Variants in DIDO1 observed in about 807,000 individuals in gnomAD.
DIDO1 encodes death-inducer obliterator 1.
Under a neutral mutation model 99.4 loss-of-function variants are expected in DIDO1, and 16 were observed. The ratio of observed to expected loss-of-function variants is 0.16; its 90% CI spans 0.11 to 0.24. The LOEUF (loss-of-function observed/expected upper bound fraction) is 0.24. Among genes scored for constraint, DIDO1 ranks in the 10% least tolerant of loss-of-function variants. The pLI, the probability that DIDO1 is intolerant of heterozygous loss-of-function variation, is 1.00. For synonymous variants in DIDO1, 1,366 were observed against 1,239.1 expected, an observed-to-expected ratio of 1.10 and a Z score of -2.15; for missense variants, 2,996 against 3,014.0, an observed-to-expected ratio of 0.99 and a Z score of 0.14.
At chr20:62,885,256 T>C (rs1013255079) in intron 15 of DIDO1, among the ~76,000 whole-genome samples, 2 of 152,084 alleles carry the variant, frequency 1.3e-5, no homozygotes, top group Non-Finnish European at 2.9e-5. Context: ...GGAAGGACCC[T>C]GGGCAGTAGG....
At chr20:62,922,195 T>A (rs2065164134) in intron 1 of DIDO1, among the ~76,000 whole-genome samples, 1 of 89,794 alleles carries the variant, frequency 1.1e-5, no homozygotes, top group South Asian at 3.7e-4. Flanking sequence ...TGTGTGTGTG[T>A]GTATATATAT....
rs1265710450 is a variant in DIDO1, at chr20:62,893,971, A to G, written c.2796T>C (p.Pro932=). 1 of 1,613,118 alleles carries G rather than the reference A, an allele frequency of 6.2e-7. No homozygotes were observed. The highest frequency in any genetic ancestry group is 1.1e-5 in the South Asian group (1 of 91,070). The change falls in exon 12 of 16, where the codon CCT becomes CCC. Residue 932 remains proline (P), a synonymous_variant. Transcript: ENST00000395343. ...PNVDRTYFPG[P]PGDGHPEPSP... Reference sequence around the variant, plus strand: ...AGGGCTCGGGATGGCCATCTCCTGGAGGCCCAGGGAAATACGTTCTGTCCA... The same window carrying G: ...AGGGCTCGGGATGGCCATCTCCTGGGGGCCCAGGGAAATACGTTCTGTCCA...
Position 62,903,172 on chromosome 20 carries a change from A to G in DIDO1, c.1588+2715T>C, listed in dbSNP as rs528171206. On this transcript the variant is annotated intron_variant, in intron 6 of 15. Coordinates refer to ENST00000395343, the MANE Select transcript of DIDO1 (RefSeq NM_001193369.2). ...TGTATATATAAGAAACAATTTTTAA[A>G]AACAAATGGGAGGAACAAGGTGAGG... Among the ~76,000 whole-genome samples the G allele has an allele frequency of 2.9e-4, 44 of 152,372 alleles. No homozygotes were observed. The Middle Eastern group carries it at 0.014, about 47-fold the overall frequency.
chr20:62,880,973 G>C lies in DIDO1; in HGVS notation c.4983C>G (p.Pro1661=). Residue 1661 remains proline, a synonymous_variant, in exon 16 of 16, where the codon CCC becomes CCG. Coordinates refer to ENST00000395343, the MANE Select transcript of DIDO1 (RefSeq NM_001193369.2). ...GCTGCAGGGCGCCGCAAGGCGGTGT[G>C]GGCAGCAGCACCCTCCGGGCAGGCC... ...SARPARRVLL[P]TPPCGALQPG... 6.2e-7 allele frequency: 1 copy of C among 1,606,464 alleles called. No individual in the cohort carries two copies.
rs1600949476 is a variant in DIDO1 at position 62,896,937 on chromosome 20, T to C, written c.1648A>G (p.Thr550Ala). Residue 550 changes from threonine to alanine, a missense_variant, in exon 7 of 16, where the codon ACA (threonine) becomes GCA (alanine). By Grantham distance (58) the Thr-to-Ala change is moderately conservative. This residue lies in a region of DIDO1 where 898 missense variants were observed against 972.7 expected (regional missense o/e 0.92). Coordinates refer to ENST00000395343, the MANE Select transcript of DIDO1 (RefSeq NM_001193369.2). The surrounding 1 kb of genome is among the most constrained non-coding windows in gnomAD (Gnocchi z 4.4). Reference sequence around the variant, plus strand: ...CCCACCGCGGAGCCTGGAGGGGCTGTTTTCTTTGAGGCTGCCATGGCTGCC... The same window carrying C: ...CCCACCGCGGAGCCTGGAGGGGCTGCTTTCTTTGAGGCTGCCATGGCTGCC... ...KAAAMAASKK[T>A]APPGSAVGKQ... 6.2e-7 allele frequency: 1 copy of C among 1,613,850 alleles called. No homozygotes were observed. The highest frequency in any genetic ancestry group is 2.2e-5 in the East Asian group (1 of 44,882).
At chr20:62,899,667 T>A (rs182312638) in intron 6 of DIDO1, among the ~76,000 whole-genome samples, 40 of 152,368 alleles carry the variant, frequency 2.6e-4, no homozygotes, top group African/African-American at 9.6e-4. Flanking sequence ...GAAAATTAAC[T>A]GCTCCCTTTC....
intron 6 of DIDO1, among the ~76,000 whole-genome samples, chr20:62,901,536 G>A (rs2064680894): frequency 7.0e-6 from 1 of 142,494 alleles, no homozygotes; most frequent in Non-Finnish European, 1.5e-5. Flanking sequence ...AACATGTTAG[G>A]GGCATGTTAA....
chr20:62,891,002 G>C lies in DIDO1; in HGVS notation c.3499C>G (p.Gln1167Glu). The C allele has an allele frequency of 1.9e-6, 3 of 1,614,146 alleles. No homozygotes were observed. The highest frequency in any genetic ancestry group is 2.5e-6 in the Non-Finnish European group (3 of 1,180,032). ...AAGAGTTTGGATGGAACAGGGTCCT[G>C]GGCGCTCAGCGGGATCAGGTAGAGG... ...KDLYLIPLSA[Q>E]DPVPSKLLPF... Residue 1167 changes from glutamine (Q) to glutamate (E), a missense_variant, in exon 15 of 16, where the codon CAG becomes GAG. Physicochemically the swap from Gln to Glu is conservative, Grantham distance 29. This residue lies in a region of DIDO1 where 135 missense variants were observed against 202.3 expected (regional missense o/e 0.67). Transcript: ENST00000395343.
rs1209222823 is a variant in DIDO1 at position 62,892,852 on chromosome 20, G to A, written c.3212C>T (p.Thr1071Ile). Reference protein sequence around the residue: ...INMQSVAKFVTKAYPVSGCFD... With the variant: ...INMQSVAKFVIKAYPVSGCFD... The stretch of plus-strand genomic sequence containing the variant: ...ACACCCAGAGACAGGATACGCCTTA[G>A]TGACAAATTTTGCCACACTCTGCAT... Residue 1071 changes from threonine to isoleucine, a missense_variant, in exon 13 of 16, where the codon ACT (threonine) becomes ATT (isoleucine). Thr to Ile is a moderately conservative substitution (Grantham distance 89, BLOSUM62 -1). This residue lies in a region of DIDO1 where 135 missense variants were observed against 202.3 expected (regional missense o/e 0.67). Coordinates refer to ENST00000395343, the MANE Select transcript of DIDO1 (RefSeq NM_001193369.2). 6.2e-7 allele frequency: 1 copy of A among 1,613,988 alleles called. No individual in the cohort carries two copies. The highest frequency in any genetic ancestry group is 1.1e-5 in the South Asian group (1 of 91,088).
chr20:62,901,129 G>A (rs187740861), intron 6 of DIDO1, among the ~76,000 whole-genome samples: 342 of 152,282 alleles, frequency 2.2e-3, no homozygotes, highest in African/African-American at 7.6e-3. Flanking sequence ...TTCATGTTGC[G>A]GGGAAACAGT....
chr20:62,895,006 G>A (rs1162729399), intron 9 of DIDO1, 43 bp downstream of exon 9: 5 of 1,595,764 alleles, frequency 3.1e-6, no homozygotes, highest in Admixed American at 1.7e-5. Flanking sequence ...TTTCTATTAA[G>A]CTCGAGTCCT....
Position 62,894,372 on chromosome 20 carries a change from T to C in DIDO1, c.2572+41A>G. On this transcript the variant is annotated intron_variant, in intron 11 of 15. Coordinates refer to ENST00000395343, the MANE Select transcript of DIDO1 (RefSeq NM_001193369.2). This position sits in a 1 kb window ranked among gnomAD's most constrained non-coding sequence, Gnocchi z 4.4. ...CAGTGATTTTTAACAAAATCAAGTT[T>C]AGTCTCAGCTCCAAGGCTCCATCCC... The C allele has an allele frequency of 6.3e-7, 1 of 1,597,408 alleles. No individual in the cohort carries two copies. Among genetic ancestry groups the C allele is most frequent in the Non-Finnish European group, 8.5e-7 (1 of 1,172,836 alleles).
intron 6 of DIDO1, among the ~76,000 whole-genome samples, chr20:62,897,219 A>G (rs553926374): frequency 6.6e-6 from 1 of 152,372 alleles, no homozygotes; most frequent in African/African-American, 2.4e-5. Flanking sequence ...TTCAGAAAGA[A>G]GAATGCTTTA....
At position 62,901,773 on chromosome 20, in the gene DIDO1, T is replaced by G. The variant is rs146327347; in HGVS notation, c.1588+4114A>C. Among the ~76,000 whole-genome samples, 512 of 151,880 alleles carry G rather than the reference T, an allele frequency of 3.4e-3. 4 individuals are homozygous for G. The highest frequency in any genetic ancestry group is 0.012 in the African/African-American group (498 of 41,366). On this transcript the variant is annotated intron_variant, in intron 6 of 15. Transcript: ENST00000395343. ...ATATTCTAAGTTACTTCTCTAACTT[T>G]TAGAAGCTAAGAATATAACTATGTG...
intron 15 of DIDO1, among the ~76,000 whole-genome samples, chr20:62,887,030 G>A (rs1045324340): frequency 2.6e-5 from 4 of 152,184 alleles, no homozygotes; most frequent in African/African-American, 4.8e-5. Context: ...TCTGGGTGCC[G>A]GGGTGCCGAG....
At chr20:62,921,401 C>G (rs767142139) in intron 1 of DIDO1, among the ~76,000 whole-genome samples, 2 of 152,170 alleles carry the variant, frequency 1.3e-5, no homozygotes, top group Non-Finnish European at 2.9e-5. Context: ...GGCTGCTCCC[C>G]GAGGCCATTC....
At chr20:62,902,328 C>T (rs902993808) in intron 6 of DIDO1, among the ~76,000 whole-genome samples, 3 of 152,080 alleles carry the variant, frequency 2.0e-5, no homozygotes, top group Admixed American at 6.5e-5. Context: ...ATATGGATAA[C>T]GTAAAAAAAC....
At chr20:62,892,750 C>G in intron 13 of DIDO1, 59 bp downstream of exon 13, 1 of 1,549,272 alleles carries the variant, frequency 6.5e-7, no homozygotes, top group Non-Finnish European at 8.8e-7. Context: ...GTGTTTGACT[C>G]TAGTTTAGAA....
chr20:62,893,608 CCTTT>C, intron 12 of DIDO1, 54 bp downstream of exon 12: 3 of 1,495,618 alleles, frequency 2.0e-6, no homozygotes, highest in Non-Finnish European at 2.7e-6. Context: ...AGTTATCTTT[CCTTT>C]CGTTAATCTA....
Sources: gnomAD v4.1 joint callset for allele counts (sites outside exome capture counted in the v4.1 genomes callset) on GRCh38, gnomAD v4.1.1 for gene constraint, gnomAD v4.1.1 regional missense constraint, Gnocchi (gnomAD v3.1) non-coding constraint, MANE v1.5 for transcripts, NCBI Gene and HGNC (gene_info 2026-07-23, HGNC 2026-07-21) for gene names.